The following FCGR3A variants were observed in gnomAD, a reference collection of about 807,000 sequenced individuals.
FCGR3A encodes the protein low affinity immunoglobulin gamma Fc region receptor III-A.
In FCGR3A, 13 loss-of-function variants were observed where a neutral mutation model predicts 24.1. That is an observed-to-expected ratio of 0.54 (90% CI 0.35 to 0.86). The LOEUF is 0.86. Among genes scored for constraint, FCGR3A ranks in the 40% least tolerant of loss-of-function variants. The pLI is 0.01. For missense variants in FCGR3A, 235 were observed against 298.0 expected, an observed-to-expected ratio of 0.79 and a Z score of 1.56; for synonymous variants, 93 against 112.2, an observed-to-expected ratio of 0.83 and a Z score of 1.08.
rs1158142883 is a variant in FCGR3A, at chr1:161,549,045, G to T, written c.41-14C>A. 1 of 1,584,970 alleles carries T rather than the reference G, an allele frequency of 6.3e-7. No individual in the cohort carries two copies. Among genetic ancestry groups the T allele is most frequent in the Admixed American group, 1.7e-5 (1 of 58,778 alleles). On this transcript the variant is annotated splice_polypyrimidine_tract_variant and intron_variant, in intron 1 of 4. Transcript: ENST00000443193. ...TGCCAGCTGAAACTGCAAGAAAAAA[G>T]ATAAATCAAATATTGAGTAGGGGCA... is the stretch of plus-strand genomic sequence containing the variant.
chr1:161,547,427 G>A (rs4656312), intron 3 of FCGR3A, among the ~76,000 whole-genome samples: 13,948 of 151,978 alleles, frequency 0.092, 681 homozygotes, highest in East Asian at 0.23. Flanking sequence ...TTTGCAGGGC[G>A]ACACTGCAGG....
At chr1:161,549,949 C>A (rs1677680484), upstream of FCGR3A, 1 of 1,379,602 alleles carries the variant, frequency 7.2e-7, no homozygotes, top group Admixed American at 2.3e-5. Context: ...AGGAAAGAGC[C>A]TGGAGGCAAG....
At chr1:161,544,642 G>A in intron 4 of FCGR3A, 59 bp downstream of exon 4, 1 of 1,586,546 alleles carries the variant, frequency 6.3e-7, no homozygotes, top group Non-Finnish European at 8.6e-7. Context: ...ACTTCCCAGT[G>A]TGATTGCAGG....
At chr1:161,546,768 G>T (rs561866357) in intron 3 of FCGR3A, among the ~76,000 whole-genome samples, 1 of 152,000 alleles carries the variant, frequency 6.6e-6, no homozygotes, top group African/African-American at 2.4e-5. Context: ...AGCCGGGCGT[G>T]GTGGCATGCA....
intron 3 of FCGR3A, among the ~76,000 whole-genome samples, chr1:161,545,928 T>C (rs1420589920): frequency 6.6e-6 from 1 of 152,146 alleles, no homozygotes; most frequent in African/African-American, 2.4e-5. Flanking sequence ...ACTTACATAT[T>C]AACAGGGGTT....
In FCGR3A at chr1:161,549,728, C is replaced by G; in HGVS notation, c.9G>C (p.Gln3His). Residue 3 changes from glutamine (Q) to histidine (H), a missense_variant, in exon 1 of 5, where the codon CAG becomes CAC. Transcript: ENST00000443193. MW[Q>H]LLLPTALLLL... ...GTAGCAGAGCAGTTGGGAGGAGCAG[C>G]TGCCACATGATGCCACACTGGAGTG... 6.2e-7 allele frequency: 1 copy of G among 1,613,906 alleles called. No individual in the cohort carries two copies. The highest frequency in any genetic ancestry group is 8.5e-7 in the Non-Finnish European group (1 of 1,179,912).
intron 1 of FCGR3A, among the ~76,000 whole-genome samples, 196 bp downstream of exon 1, chr1:161,549,501 G>C (rs568264): frequency 3.3e-5 from 5 of 152,168 alleles, no homozygotes; most frequent in Non-Finnish European, 7.4e-5. Flanking sequence ...TCACTCATGA[G>C]TATGCCCCAA....
rs397720087 is a variant in FCGR3A, at chr1:161,541,862, T to G, written c.*1150A>C. The G allele has an allele frequency of 8.5e-5, 13 of 152,346 alleles. No individual in the cohort carries two copies. Among genetic ancestry groups the G allele is most frequent in the Admixed American group, 1.3e-4 (2 of 15,286 alleles). 9.4% of individuals were successfully genotyped at this position (152,346 alleles called of 1,614,324 possible). ...TATTGGAACCAAGAAATGTTGCGCTTAAAGCTTACAAAACAGAGACAGCTA... is the reference window on the plus strand; with the variant it reads ...TATTGGAACCAAGAAATGTTGCGCTGAAAGCTTACAAAACAGAGACAGCTA... On this transcript the variant is annotated 3_prime_UTR_variant, in exon 5 of 5. Transcript: ENST00000443193.
chr1:161,544,671 C>T, intron 4 of FCGR3A, 30 bp downstream of exon 4: 1 of 1,607,126 alleles, frequency 6.2e-7, no homozygotes, highest in African/African-American at 1.3e-5. Context: ...ACAGGCGTCC[C>T]TGGGCATTCC....
intron 3 of FCGR3A, 100 bp downstream of exon 3, chr1:161,548,321 T>C: frequency 6.3e-7 from 1 of 1,578,500 alleles, no homozygotes; most frequent in Non-Finnish European, 8.7e-7. Context: ...CATCTTAGCT[T>C]TTATCTCTAA....
At position 161,542,578 on chromosome 1, in the gene FCGR3A, C is replaced by T. The variant is rs1272002649; in HGVS notation, c.*434G>A. On this transcript the variant is annotated 3_prime_UTR_variant, in exon 5 of 5. Transcript: ENST00000443193. Reference sequence around the variant, plus strand: ...AATTCCCTAGATCCCCAGCAGTTCCCACACTCTGTATGGTCCTGCCTCAAC... The same window carrying T: ...AATTCCCTAGATCCCCAGCAGTTCCTACACTCTGTATGGTCCTGCCTCAAC... 6.4e-6 allele frequency: 1 copy of T among 155,690 alleles called. No homozygotes were observed. The highest frequency in any genetic ancestry group is 1.4e-5 in the Non-Finnish European group (1 of 70,170). The allele number at this position is 155,690 out of a possible 1,614,324, so 9.6% of individuals were successfully genotyped here. A position where few individuals can be genotyped will look rare whatever the true frequency, so the allele number is the denominator to read the frequency against.
intron 1 of FCGR3A, among the ~76,000 whole-genome samples, chr1:161,549,348 C>A (rs540610578): frequency 6.6e-6 from 1 of 152,120 alleles, no homozygotes; most frequent in African/African-American, 2.4e-5. Context: ...CCCATATCCC[C>A]ACAAGAAAGG....
At position 161,544,777 on chromosome 1, in the gene FCGR3A, G is replaced by T. The variant is rs778068202; in HGVS notation, c.501C>A (p.Ser167Arg). The T allele has an allele frequency of 2.5e-6, 4 of 1,613,540 alleles. No individual in the cohort carries two copies. The highest frequency in any genetic ancestry group is 2.2e-5 in the East Asian group (1 of 44,874). Residue 167 changes from serine (S) to arginine (R), a missense_variant, in exon 4 of 5, where the codon AGC becomes AGA. By Grantham distance (110) the Ser-to-Arg change is moderately radical. Transcript: ENST00000443193. ...AAAGCCCCCTGCAGAAGTAGGAGCC[G>T]CTGTCTTTGAGTGTGGCTTTTGGAA... ...FYIPKATLKD[S>R]GSYFCRGLFG...
At chr1:161,546,780 C>T (rs1458607796) in intron 3 of FCGR3A, among the ~76,000 whole-genome samples, 1 of 151,922 alleles carries the variant, frequency 6.6e-6, no homozygotes, top group Non-Finnish European at 1.5e-5. Flanking sequence ...TGGCATGCAC[C>T]TGTAGTCCCA....
rs567017084 is a variant in FCGR3A at position 161,542,785 on chromosome 1, A to G, written c.*227T>C. 9 of 429,010 alleles carry G rather than the reference A, an allele frequency of 2.1e-5. No individual in the cohort carries two copies. Among genetic ancestry groups the G allele is most frequent in the African/African-American group, 1.6e-4 (8 of 50,830 alleles). The allele number at this position is 429,010 out of a possible 1,614,324, so 26.6% of individuals were successfully genotyped here. Reference sequence around the variant, plus strand: ...AGTGTTTGTGTAGCTCTGAAACTTCAATTTCTAGGAATGCAGCTACTCACT... The same window carrying G: ...AGTGTTTGTGTAGCTCTGAAACTTCGATTTCTAGGAATGCAGCTACTCACT... On this transcript the variant is annotated 3_prime_UTR_variant, in exon 5 of 5. Coordinates refer to ENST00000443193, the MANE Select transcript of FCGR3A (RefSeq NM_000569.8).
intron 4 of FCGR3A, 105 bp downstream of exon 4, chr1:161,544,596 A>G (rs536273369): frequency 1.0e-5 from 13 of 1,293,806 alleles, no homozygotes; most frequent in Admixed American, 2.1e-5. Flanking sequence ...CATATGAAGA[A>G]GTGCGTGTAA....
In FCGR3A at chr1:161,548,509, G is replaced by A. The variant is rs150808747; in HGVS notation, c.231C>T (p.Asp77=). The A allele has an allele frequency of 1.5e-3, 2,456 of 1,613,894 alleles. No individual in the cohort carries two copies. In the African/African-American group the frequency reaches 0.024, roughly 16 times the overall value. The change falls in exon 3 of 5, where the codon GAC becomes GAT. Residue 77 remains aspartate (D), a synonymous_variant. Coordinates refer to ENST00000443193, the MANE Select transcript of FCGR3A (RefSeq NM_000569.8). The part of the protein sequence containing the change: ...ISSQASSYFI[D]AATVDDSGEY... Reference sequence around the variant, plus strand: ...CTCCACTGTCGTCGACTGTGGCAGCGTCAATGAAGTAGCTCGAGGCCTGGC... The same window carrying A: ...CTCCACTGTCGTCGACTGTGGCAGCATCAATGAAGTAGCTCGAGGCCTGGC...
chr1:161,543,630 C>G (rs573028894), intron 4 of FCGR3A, among the ~76,000 whole-genome samples: 91 of 152,054 alleles, frequency 6.0e-4, no homozygotes, highest in African/African-American at 2.1e-3. Context: ...TCTCGTATAT[C>G]CTTTACCCAG....
intron 3 of FCGR3A, among the ~76,000 whole-genome samples, chr1:161,547,313 A>G (rs1307369760): frequency 6.6e-6 from 1 of 152,152 alleles, no homozygotes; most frequent in African/African-American, 2.4e-5. Flanking sequence ...GCCCAATTCC[A>G]TGGAGCTCTC....
Sources: gnomAD v4.1 joint callset for allele counts (sites outside exome capture counted in the v4.1 genomes callset) on GRCh38, gnomAD v4.1.1 for gene constraint, MANE v1.5 for transcripts, NCBI Gene and HGNC (gene_info 2026-07-23, HGNC 2026-07-21) for gene names.